Variants in GPLD1 observed in about 807,000 individuals in gnomAD.
GPLD1 encodes the protein phosphatidylinositol-glycan-specific phospholipase D.
Under a neutral mutation model 112.6 loss-of-function variants are expected in GPLD1, and 84 were observed. That is an observed-to-expected ratio of 0.75 (90% confidence interval 0.63 to 0.89). The LOEUF is 0.89. GPLD1 is among the 40% of genes least tolerant of loss of function. GPLD1 has a pLI of 0.00. For synonymous variants in GPLD1, 386 were observed against 403.8 expected (o/e 0.96, Z 0.53); for missense variants, 1,044 against 1,051.5 (o/e 0.99, Z 0.10).
In GPLD1 at chr6:24,433,401, A is replaced by C. The variant is rs1448370235; in HGVS notation, c.2359-12T>G. The C allele has an allele frequency of 1.9e-6, 3 of 1,593,240 alleles. No homozygotes were observed. Among genetic ancestry groups the C allele is most frequent in the Non-Finnish European group, 2.6e-6 (3 of 1,161,350 alleles). ...AATACATATTGGGCCTGAAGAAAAA[A>C]ATTGAGGAGAGAGACAATGTTATTA... On this transcript the variant is annotated splice_polypyrimidine_tract_variant and intron_variant, in intron 22 of 24. Transcript: ENST00000230036.
Position 24,436,590 on chromosome 6 carries a change from A to G in GPLD1, c.2344T>C (p.Cys782Arg). ...TGKCKSWITP[C>R]PEEKAQYVLI... ...AGAACACTTACCTTTTCTTCTGGAC[A>G]TGGAGTTATCCATGATTTGCATTTG... Residue 782 changes from cysteine to arginine, a missense_variant, in exon 22 of 25, where the codon TGT becomes CGT. By Grantham distance (180) the Cys-to-Arg change is radical (BLOSUM62 -3). Transcript: ENST00000230036. The G allele has an allele frequency of 6.2e-7, 1 of 1,613,884 alleles. No individual in the cohort carries two copies. Among genetic ancestry groups the G allele is most frequent in the Non-Finnish European group, 8.5e-7 (1 of 1,179,856 alleles).
chr6:24,495,060 T>G, exon 1 of GPLD1: 2 of 1,345,636 alleles, frequency 1.5e-6, no homozygotes, highest in African/African-American at 3.0e-5. Flanking sequence ...GTTTCCAGGC[T>G]GCCGCCTCCG....
At position 24,472,589 on chromosome 6, in the gene GPLD1, G is replaced by A. The variant is rs777126083; in HGVS notation, c.538C>T (p.Arg180Ter). 16 of 1,585,028 alleles carry A rather than the reference G, an allele frequency of 1.0e-5. No individual in the cohort carries two copies. Among genetic ancestry groups the A allele is most frequent in the African/African-American group, 4.0e-5 (3 of 74,336 alleles). ...QFEFNFNYLA[R>*]RWYVPVKDLL... The stretch of plus-strand genomic sequence containing the variant: ...GATGTACATTGCTCTTACCAGCGTC[G>A]TGCAAGGTAATTAAAATTAAATTCA... The change falls in exon 7 of 25, where the codon CGA (arginine) becomes TGA (stop). Residue 180 changes from arginine to a stop codon, truncating the protein, a stop_gained. Transcript: ENST00000230036. LOFTEE classifies it high-confidence loss of function.
chr6:24,446,334 A>C (rs1762908460), intron 18 of GPLD1, among the ~76,000 whole-genome samples: 1 of 115,450 alleles, frequency 8.7e-6, no homozygotes. Context: ...CATCCCTATA[A>C]AAATGTTTTT....
chr6:24,473,825 A>T (rs79980814), intron 5 of GPLD1, among the ~76,000 whole-genome samples, 158 bp from the exon 6 acceptor site: 2 of 152,156 alleles, frequency 1.3e-5, no homozygotes, highest in Non-Finnish European at 2.9e-5. Flanking sequence ...ATTAGTAAAA[A>T]AATAATAATA....
At chr6:24,445,322 C>A (rs769309210) in intron 20 of GPLD1, among the ~76,000 whole-genome samples, 13 of 152,086 alleles carry the variant, frequency 8.5e-5, no homozygotes. Flanking sequence ...CCACCGCACC[C>A]GGCCTGAAAT....
rs1278460078 is a variant in GPLD1 at position 24,428,156 on chromosome 6, T to C, written c.*876A>G. On this transcript the variant is annotated 3_prime_UTR_variant, in exon 25 of 25. Transcript: ENST00000230036. ...TCTGTACTATTTTTCCTCCCTCAGT[T>C]TCTTTTTTTTTTTTTTTTCTGTATA... is the stretch of plus-strand genomic sequence containing the variant. The C allele has an allele frequency of 1.4e-4, 8 of 57,180 alleles. No individual in the cohort carries two copies. In the Admixed American group the frequency reaches 1.7e-3, roughly 12 times the overall value. The allele number at this position is 57,180 out of a possible 1,614,324, so 3.5% of individuals were successfully genotyped here. A position where few individuals can be genotyped will look rare whatever the true frequency, so the allele number is the denominator to read the frequency against.
At chr6:24,448,324 A>G (rs1762977402) in intron 15 of GPLD1, 116 bp from the exon 16 acceptor site, 2 of 671,736 alleles carry the variant, frequency 3.0e-6, no homozygotes, top group East Asian at 5.3e-5. Context: ...TGATGTCTAT[A>G]ATCCCAGTGC....
At chr6:24,425,644 C>T (rs1407018177), downstream of GPLD1, 2 of 152,206 alleles carry the variant, frequency 1.3e-5, no homozygotes, top group East Asian at 3.8e-4. Flanking sequence ...ACATTAATTA[C>T]TGTTTGAAAG....
At chr6:24,465,196 CAAA>C (rs34368143) in intron 10 of GPLD1, among the ~76,000 whole-genome samples, 4 of 101,314 alleles carry the variant, frequency 3.9e-5, no homozygotes, top group Non-Finnish European at 5.8e-5. Flanking sequence ...GACTCTGTCT[CAAA>C]AAAAAAAAAA....
chr6:24,460,487 A>T, intron 11 of GPLD1, 88 bp from the exon 12 acceptor site: 2 of 1,420,504 alleles, frequency 1.4e-6, no homozygotes, highest in Non-Finnish European at 1.9e-6. Context: ...CAAGTTAATC[A>T]CAGGTTAAAA....
In GPLD1 at chr6:24,428,986, T is replaced by A. The variant is rs1362451425; in HGVS notation, c.*46A>T. ...ATCAAAATGCTCACCATGGATGTGA[T>A]TCAGCATGAGAGAGGTGGGCAGAGT... On this transcript the variant is annotated 3_prime_UTR_variant, in exon 25 of 25. Coordinates refer to ENST00000230036, the MANE Select transcript of GPLD1 (RefSeq NM_001503.4). 6.8e-6 allele frequency: 9 copies of A among 1,319,962 alleles called. No homozygotes were observed. The highest frequency in any genetic ancestry group is 9.8e-6 in the Non-Finnish European group (9 of 920,638). The allele number at this position is 1,319,962 out of a possible 1,614,324, so 81.8% of individuals were successfully genotyped here.
exon 1 of GPLD1, chr6:24,494,971 T>C: frequency 2.3e-6 from 3 of 1,301,166 alleles, no homozygotes; most frequent in Non-Finnish European, 9.7e-7. Flanking sequence ...GCTTGCCTGT[T>C]TCCTGTCGCC....
At chr6:24,430,495 T>C (rs1762367854) in intron 24 of GPLD1, among the ~76,000 whole-genome samples, 1 of 152,210 alleles carries the variant, frequency 6.6e-6, no homozygotes, top group Admixed American at 6.5e-5. Context: ...AGGTGCTTGA[T>C]ACAACACTGC....
chr6:24,471,155 A>G (rs1320739660), intron 7 of GPLD1, among the ~76,000 whole-genome samples: 1 of 152,222 alleles, frequency 6.6e-6, no homozygotes, highest in Non-Finnish European at 1.5e-5. Flanking sequence ...CCAAAAGGAC[A>G]TATCAGAAAG....
chr6:24,443,818 G>A (rs962551250), intron 20 of GPLD1, among the ~76,000 whole-genome samples: 7 of 152,058 alleles, frequency 4.6e-5, no homozygotes, highest in Admixed American at 1.3e-4. Context: ...TTACAGGAGC[G>A]TGCCACTATG....
intron 3 of GPLD1, among the ~76,000 whole-genome samples, chr6:24,478,205 G>C (rs9393559): frequency 0.23 from 34,463 of 152,138 alleles, 4,681 homozygotes; most frequent in Non-Finnish European, 0.31. Context: ...CATGAATACA[G>C]TTTGGGAAGT....
At chr6:24,484,465 C>T (rs1034904681) in intron 2 of GPLD1, among the ~76,000 whole-genome samples, 1 of 152,238 alleles carries the variant, frequency 6.6e-6, no homozygotes. Context: ...ATCCACCCAC[C>T]TTGGCCTCCC....
rs1160940347 is a variant in GPLD1 at position 24,428,935 on chromosome 6, G to A, written c.*97C>T. On this transcript the variant is annotated 3_prime_UTR_variant, in exon 25 of 25. Coordinates refer to ENST00000230036, the MANE Select transcript of GPLD1 (RefSeq NM_001503.4). ...CCCATGTCTATCAGGATCTACCACC[G>A]CTCCACTGGATGTGCCACTTTGTCC... The A allele has an allele frequency of 4.9e-5, 36 of 741,056 alleles. 1 individual carries two copies. In the East Asian group the frequency reaches 8.2e-4, roughly 17 times the overall value. The allele number at this position is 741,056 out of a possible 1,614,324, so 45.9% of individuals were successfully genotyped here.
Sources: gnomAD v4.1 joint callset for allele counts (sites outside exome capture counted in the v4.1 genomes callset) on GRCh38, gnomAD v4.1.1 for gene constraint, MANE v1.5 for transcripts, NCBI Gene and HGNC (gene_info 2026-07-23, HGNC 2026-07-21) for gene names.